TMPRSS11F: variants seen among roughly 807,000 people sequenced by gnomAD.
TMPRSS11F encodes transmembrane protease serine 11F.
TMPRSS11F carries 47 observed loss-of-function variants against 60.2 expected under a neutral mutation model. The ratio of observed to expected loss-of-function variants is 0.78; its 90% CI spans 0.62 to 1.00. The LOEUF (loss-of-function observed/expected upper bound fraction) is 1.00. TMPRSS11F is among the 50% of genes least tolerant of loss of function. The pLI is 0.00. For missense variants in TMPRSS11F, 519 were observed against 522.9 expected, an observed-to-expected ratio of 0.99 and a Z score of 0.07; for synonymous variants, 166 against 167.3, an observed-to-expected ratio of 0.99 and a Z score of 0.06.
At chr4:68,127,242 C>G (rs1003186049) in intron 1 of TMPRSS11F, among the ~76,000 whole-genome samples, 18 of 152,074 alleles carry the variant, frequency 1.2e-4, no homozygotes, top group Admixed American at 6.6e-5. Context: ...TACCGTCTTT[C>G]TCCTACTACT....
chr4:68,100,345 C>T (rs1007654385), intron 1 of TMPRSS11F, among the ~76,000 whole-genome samples: 51 of 152,012 alleles, frequency 3.4e-4, no homozygotes, highest in Non-Finnish European at 2.9e-4. Flanking sequence ...TGAAGAGTTT[C>T]GAAGATTTAG....
intron 4 of TMPRSS11F, among the ~76,000 whole-genome samples, chr4:68,073,565 A>C (rs1723523150): frequency 6.6e-6 from 1 of 152,228 alleles, no homozygotes; most frequent in Admixed American, 6.5e-5. Context: ...CACTGTCATG[A>C]AAGAAACACT....
At chr4:68,063,198 T>C in intron 8 of TMPRSS11F, 1 of 595,318 alleles carries the variant, frequency 1.7e-6, no homozygotes. Context: ...CCCAACTGCC[T>C]CTGGAGATAC....
At chr4:68,072,227 A>ATATATATATATATATATATATCTTCC (rs56655246) in intron 5 of TMPRSS11F, 96 bp downstream of exon 5, 1 of 62,740 alleles carries the variant, frequency 1.6e-5, no homozygotes, top group African/African-American at 4.7e-5. Flanking sequence ...CTTCCAAAAA[A>ATATATATATATATATATATATCTTCC]AAAATATATA....
intron 8 of TMPRSS11F, 45 bp downstream of exon 8, chr4:68,064,640 C>T: frequency 6.3e-7 from 1 of 1,592,040 alleles, no homozygotes; most frequent in Non-Finnish European, 8.6e-7. Context: ...CTCGTTTGAT[C>T]TCAAGACATT....
At chr4:68,093,077 G>A (rs945171477) in intron 2 of TMPRSS11F, among the ~76,000 whole-genome samples, 45 of 152,082 alleles carry the variant, frequency 3.0e-4, no homozygotes, top group African/African-American at 1.1e-3. Flanking sequence ...CATTTCACCA[G>A]TGAAGAAATT....
At chr4:68,107,678 A>G (rs114618123) in intron 1 of TMPRSS11F, among the ~76,000 whole-genome samples, 33 of 152,176 alleles carry the variant, frequency 2.2e-4, no homozygotes, top group African/African-American at 7.9e-4. Flanking sequence ...AATAAGAACC[A>G]TTTTGGTCCC....
intron 7 of TMPRSS11F, among the ~76,000 whole-genome samples, chr4:68,065,350 TCGTTGAAGTGAAG>T (rs1194734300): frequency 1.3e-5 from 2 of 152,200 alleles, no homozygotes; most frequent in Admixed American, 6.5e-5. Context: ...TTTACTGTGA[TCGTTGAAGTGAAG>T]CGTAATTTGT....
chr4:68,070,096 G>T, intron 5 of TMPRSS11F, 89 bp from the exon 6 acceptor site: 1 of 1,086,366 alleles, frequency 9.2e-7, no homozygotes, highest in South Asian at 1.5e-5. Context: ...ATAGAAATGT[G>T]AATTATCTAA....
intron 7 of TMPRSS11F, among the ~76,000 whole-genome samples, chr4:68,066,442 G>A (rs1180445999): frequency 1.3e-5 from 2 of 152,104 alleles, no homozygotes; most frequent in African/African-American, 4.8e-5. Context: ...CAGAAGTTCG[G>A]TGATTTGTGC....
At chr4:68,083,372 C>A (rs1723745584) in intron 3 of TMPRSS11F, among the ~76,000 whole-genome samples, 1 of 152,170 alleles carries the variant, frequency 6.6e-6, no homozygotes, top group African/African-American at 2.4e-5. Flanking sequence ...CATCTCTCTT[C>A]AACGCCACAA....
intron 1 of TMPRSS11F, among the ~76,000 whole-genome samples, chr4:68,125,330 A>T (rs1469699299): frequency 6.6e-6 from 1 of 152,110 alleles, no homozygotes; most frequent in African/African-American, 2.4e-5. Context: ...AGCAGTAATC[A>T]ATCATTTATA....
chr4:68,115,381 A>AAAAAAG (rs1724498636), intron 1 of TMPRSS11F, among the ~76,000 whole-genome samples: 1 of 146,454 alleles, frequency 6.8e-6, no homozygotes, highest in African/African-American at 2.5e-5. Flanking sequence ...AAAAAAAAAA[A>AAAAAAG]AGAAGAAGAA....
intron 5 of TMPRSS11F, 106 bp downstream of exon 5, chr4:68,072,217 C>G (rs1415662656): frequency 3.5e-5 from 1 of 28,526 alleles, no homozygotes; most frequent in Non-Finnish European, 7.0e-5. Flanking sequence ...ATATATATAT[C>G]TTCCAAAAAA....
intron 2 of TMPRSS11F, among the ~76,000 whole-genome samples, chr4:68,090,908 A>G (rs537637831): frequency 6.6e-6 from 1 of 152,210 alleles, no homozygotes; most frequent in Non-Finnish European, 1.5e-5. Flanking sequence ...TGGACATGCA[A>G]CATACAGTGG....
chr4:68,072,495 C>CA lies in TMPRSS11F; in HGVS notation c.351-10dup, dbSNP rs1560396875. 2 of 1,468,622 alleles carry CA rather than the reference C, an allele frequency of 1.4e-6. No individual in the cohort carries two copies. Among genetic ancestry groups the CA allele is most frequent in the Non-Finnish European group, 9.1e-7 (1 of 1,103,180 alleles). The allele number at this position is 1,468,622 out of a possible 1,614,324, so 91.0% of individuals were successfully genotyped here. A position where few individuals can be genotyped will look rare whatever the true frequency, so the allele number is the denominator to read the frequency against. ...CACCTTGTTCATCTGGACTGAAGAA[C>CA]AAAAAAGCAGATAAAAATGGCATTT... On this transcript the variant is annotated splice_polypyrimidine_tract_variant and intron_variant, in intron 4 of 9. Coordinates refer to ENST00000356291, the MANE Select transcript of TMPRSS11F (RefSeq NM_207407.2).
At chr4:68,088,308 A>C (rs1386385081) in intron 3 of TMPRSS11F, among the ~76,000 whole-genome samples, 1 of 151,396 alleles carries the variant, frequency 6.6e-6, no homozygotes, top group Non-Finnish European at 1.5e-5. Context: ...GCCATTACAT[A>C]ATGGTAAAGG....
intron 8 of TMPRSS11F, among the ~76,000 whole-genome samples, chr4:68,060,515 CAAAAAAAAAA>C (rs71218926): frequency 3.0e-4 from 9 of 29,638 alleles, no homozygotes; most frequent in Admixed American, 2.4e-3. Context: ...GACTCCAACT[CAAAAAAAAAA>C]AAAAAAAAAA....
intron 3 of TMPRSS11F, among the ~76,000 whole-genome samples, chr4:68,088,562 C>T (rs1005434846): frequency 1.3e-5 from 2 of 152,040 alleles, no homozygotes; most frequent in African/African-American, 4.8e-5. Context: ...ATCTACAGAA[C>T]TCTCCATCCC....
Sources: allele counts gnomAD v4.1 joint callset (sites outside exome capture counted in the v4.1 genomes callset), GRCh38; gene constraint gnomAD v4.1.1; transcripts MANE v1.5; gene names NCBI Gene and HGNC (gene_info 2026-07-23, HGNC 2026-07-21).